SCPPPQ1: variants seen among roughly 807,000 people sequenced by gnomAD.
SCPPPQ1 encodes secretory calcium-binding phosphoprotein proline-glutamine rich 1, also known as secretory calcium-binding phosphoprotein proline- and glutamine-rich 1.
At chr4:87,467,791 C>G in the SCPPPQ1 span, among the ~76,000 whole-genome samples, 1 of 152,148 alleles carries the variant, frequency 6.6e-6, no homozygotes, top group Admixed American at 6.5e-5. Flanking sequence ...ATTTCAGATT[C>G]CCCAAACCCA....
chr4:87,465,191 A>G, the SCPPPQ1 span, among the ~76,000 whole-genome samples: 6 of 152,172 alleles, frequency 3.9e-5, no homozygotes, highest in Non-Finnish European at 8.8e-5. Flanking sequence ...AGATAATTCC[A>G]AAGTATTAAA....
At chr4:87,460,818 G>A in the SCPPPQ1 span, 1 of 152,508 alleles carries the variant, frequency 6.6e-6, no homozygotes, top group South Asian at 2.1e-4. Context: ...TATATTAAAG[G>A]TTTATTTAAA....
At chr4:87,462,456 C>A in the SCPPPQ1 span, among the ~76,000 whole-genome samples, 1 of 150,796 alleles carries the variant, frequency 6.6e-6, no homozygotes, top group African/African-American at 2.4e-5. Flanking sequence ...GGATATATAC[C>A]TTTTTGGTCT....
At chr4:87,464,140 A>G in the SCPPPQ1 span, among the ~76,000 whole-genome samples, 1 of 152,286 alleles carries the variant, frequency 6.6e-6, no homozygotes, top group African/African-American at 2.4e-5. Flanking sequence ...TAGTATTTAT[A>G]TGGACTTTAT....
At chr4:87,465,705 T>C in the SCPPPQ1 span, among the ~76,000 whole-genome samples, 1,309 of 152,280 alleles carry the variant, frequency 8.6e-3, 22 homozygotes, top group African/African-American at 0.03. Context: ...TGAGCAATTA[T>C]TCTATATCTA....
At chr4:87,470,515 A>C in the SCPPPQ1 span, among the ~76,000 whole-genome samples, 1 of 151,966 alleles carries the variant, frequency 6.6e-6, no homozygotes, top group Admixed American at 6.5e-5. Context: ...TCAGCACAAT[A>C]TGAGTAAATT....
the SCPPPQ1 span, chr4:87,461,030 G>A: frequency 2.0e-5 from 3 of 152,538 alleles, no homozygotes; most frequent in Non-Finnish European, 4.4e-5. Context: ...ATTCCTAGAG[G>A]AAGATCTATC....
the SCPPPQ1 span, among the ~76,000 whole-genome samples, chr4:87,464,339 A>G: frequency 6.9e-6 from 1 of 144,306 alleles, no homozygotes; most frequent in Admixed American, 7.0e-5. Flanking sequence ...AAGTTCAATT[A>G]TTAAAATTCA....
chr4:87,468,768 T>G, the SCPPPQ1 span, among the ~76,000 whole-genome samples: 2 of 152,226 alleles, frequency 1.3e-5, no homozygotes, highest in Non-Finnish European at 2.9e-5. Context: ...AAGTACATAT[T>G]AGAATTAATG....
At chr4:87,464,051 C>A in the SCPPPQ1 span, among the ~76,000 whole-genome samples, 1 of 152,156 alleles carries the variant, frequency 6.6e-6, no homozygotes, top group Non-Finnish European at 1.5e-5. Flanking sequence ...ACGAACAATG[C>A]CCTCAGGTAG....
chr4:87,469,726 G>A, the SCPPPQ1 span, among the ~76,000 whole-genome samples: 1 of 152,056 alleles, frequency 6.6e-6, no homozygotes, highest in African/African-American at 2.4e-5. Context: ...TTCCTATTTA[G>A]AGGTGTTGAA....
chr4:87,463,928 A>G, the SCPPPQ1 span, among the ~76,000 whole-genome samples: 78 of 152,354 alleles, frequency 5.1e-4, no homozygotes, highest in African/African-American at 1.7e-3. Flanking sequence ...TGCTCAAGAA[A>G]TTGACCAACT....
chr4:87,468,297 A>G, the SCPPPQ1 span, among the ~76,000 whole-genome samples: 1 of 152,250 alleles, frequency 6.6e-6, no homozygotes, highest in African/African-American at 2.4e-5. Context: ...TATTACATGA[A>G]TATTTCCTTT....
chr4:87,470,344 A>G, the SCPPPQ1 span, among the ~76,000 whole-genome samples: 13 of 152,180 alleles, frequency 8.5e-5, no homozygotes, highest in African/African-American at 2.9e-4. Flanking sequence ...AAATGAGAGG[A>G]AAGTTTTTAT....
chr4:87,467,092 G>A, the SCPPPQ1 span, among the ~76,000 whole-genome samples: 1 of 152,032 alleles, frequency 6.6e-6, no homozygotes, highest in Non-Finnish European at 1.5e-5. Context: ...TCAAGACCTG[G>A]TTCAGATACT....
chr4:87,469,715 A>G, the SCPPPQ1 span, among the ~76,000 whole-genome samples: 2 of 152,132 alleles, frequency 1.3e-5, no homozygotes, highest in African/African-American at 4.8e-5. Flanking sequence ...TGTAAGTCCT[A>G]TTCCTATTTA....
chr4:87,469,096 GTA>G, the SCPPPQ1 span, among the ~76,000 whole-genome samples: 1 of 152,132 alleles, frequency 6.6e-6, no homozygotes, highest in East Asian at 1.9e-4. Flanking sequence ...CTACAATGAG[GTA>G]GATAGTCCTT....
chr4:87,462,925 G>T, the SCPPPQ1 span, among the ~76,000 whole-genome samples: 6 of 151,302 alleles, frequency 4.0e-5, no homozygotes, highest in Non-Finnish European at 7.4e-5. Context: ...TTGAGCCTGG[G>T]GGGGCAGAGG....
the SCPPPQ1 span, among the ~76,000 whole-genome samples, chr4:87,462,951 A>G: frequency 6.7e-6 from 1 of 149,570 alleles, no homozygotes; most frequent in Non-Finnish European, 1.5e-5. Context: ...GTGAGCCGAG[A>G]TCACGCCACT....
Sources: allele counts gnomAD v4.1 joint callset (sites outside exome capture counted in the v4.1 genomes callset), GRCh38; gene constraint gnomAD v4.1.1; transcripts MANE v1.5; gene names NCBI Gene and HGNC (gene_info 2026-07-23, HGNC 2026-07-21).